DERA: variants seen among roughly 807,000 people sequenced by gnomAD.
The protein encoded by DERA is deoxyribose-phosphate aldolase, also known as 2-deoxy-D-ribose 5-phosphate aldolase.
In DERA, 15 loss-of-function variants were observed where a neutral mutation model predicts 41.1. The observed-to-expected ratio is 0.37, with a 90% CI of 0.24 to 0.56. DERA has a LOEUF of 0.56. DERA is among the 20% of genes least tolerant of loss of function. The pLI, the probability that DERA is intolerant of heterozygous loss-of-function variation, is 0.81. For synonymous variants in DERA, 139 were observed against 137.4 expected (o/e 1.01, Z -0.08); for missense variants, 396 against 403.4 (o/e 0.98, Z 0.16).
In DERA at chr12:15,982,657, G is replaced by C. The variant is rs1393415081; in HGVS notation, c.637+221G>C. Among the ~76,000 whole-genome samples, 1 of 152,066 alleles carries C rather than the reference G, an allele frequency of 6.6e-6. No homozygotes were observed. The highest frequency in any genetic ancestry group is 1.5e-5 in the Non-Finnish European group (1 of 68,030). On this transcript the variant is annotated intron_variant, in intron 6 of 8. Transcript: ENST00000428559. The surrounding 1 kb of genome is among the most constrained non-coding windows in gnomAD (Gnocchi z 4.0). ...TGTGTGTGTGTGGCATTTCATTGCT[G>C]CACTATGCTTATAAGGCAGTAGATG...
chr12:15,991,464 A>T (rs1397321695), intron 6 of DERA, among the ~76,000 whole-genome samples: 1 of 152,068 alleles, frequency 6.6e-6, no homozygotes, highest in African/African-American at 2.4e-5. Context: ...AGTTCTTTTA[A>T]ATTTTTTATT....
intron 1 of DERA, among the ~76,000 whole-genome samples, chr12:15,916,837 C>A (rs1265496643): frequency 6.6e-6 from 1 of 152,122 alleles, no homozygotes; most frequent in African/African-American, 2.4e-5. Context: ...GTCTTGAACT[C>A]CTGGGCTCAA....
chr12:15,964,782 A>G (rs1369411013), intron 5 of DERA, among the ~76,000 whole-genome samples: 1 of 152,220 alleles, frequency 6.6e-6, no homozygotes, highest in Admixed American at 6.5e-5. Context: ...ATATAGAAAT[A>G]TGGTTTATAT....
In DERA at chr12:15,965,541, C is replaced by T. The variant is rs1948616163; in HGVS notation, c.508+2594C>T. Among the ~76,000 whole-genome samples the T allele has an allele frequency of 6.6e-6, 1 of 152,094 alleles. No homozygotes were observed. The highest frequency in any genetic ancestry group is 1.5e-5 in the Non-Finnish European group (1 of 68,026). On this transcript the variant is annotated intron_variant, in intron 5 of 8. Coordinates refer to ENST00000428559, the MANE Select transcript of DERA (RefSeq NM_015954.4). This position sits in a 1 kb window ranked among gnomAD's most constrained non-coding sequence, Gnocchi z 4.1. ...TAAGAGCCCCATTTTTTAAACCTGGCCCTTCAGAGTGGTCTTAACCATTTC... is the reference window on the plus strand; with the variant it reads ...TAAGAGCCCCATTTTTTAAACCTGGTCCTTCAGAGTGGTCTTAACCATTTC...
At position 15,959,760 on chromosome 12, in the gene DERA, A is replaced by T. The variant is rs1169659424; in HGVS notation, c.278-69A>T. ...TTTTTGCCAGTGTTGCGATATAAATAATAATTAAAAGCATGTTGTATGAGT... is the reference window on the plus strand; with the variant it reads ...TTTTTGCCAGTGTTGCGATATAAATTATAATTAAAAGCATGTTGTATGAGT... On this transcript the variant is annotated intron_variant, in intron 3 of 8. Transcript: ENST00000428559. This position sits in a 1 kb window ranked among gnomAD's most constrained non-coding sequence, Gnocchi z 4.5. 2.8e-6 allele frequency: 3 copies of T among 1,071,536 alleles called. No individual in the cohort carries two copies. The South Asian group carries it at 4.8e-5, about 17-fold the overall frequency. The allele number at this position is 1,071,536 out of a possible 1,614,324, so 66.4% of individuals were successfully genotyped here.
At chr12:15,942,737 A>G (rs937590096) in intron 1 of DERA, among the ~76,000 whole-genome samples, 1 of 152,208 alleles carries the variant, frequency 6.6e-6, no homozygotes, top group Admixed American at 6.5e-5. Context: ...TTTTAGAGTG[A>G]AACACTTGGT....
At position 15,957,183 on chromosome 12, in the gene DERA, A is replaced by G. The variant is rs1592018416; in HGVS notation, c.129+150A>G. The G allele has an allele frequency of 1.5e-6, 1 of 661,142 alleles. No homozygotes were observed. Among genetic ancestry groups the G allele is most frequent in the East Asian group, 2.8e-5 (1 of 36,288 alleles). 41.0% of individuals were successfully genotyped at this position (661,142 alleles called of 1,614,324 possible). On this transcript the variant is annotated intron_variant, in intron 2 of 8. Transcript: ENST00000428559. The surrounding 1 kb of genome is among the most constrained non-coding windows in gnomAD (Gnocchi z 4.8). ...TTATTTTAATAATTCATATATGATGATGATGGGTTGGAGAAAGATAACACA... is the reference window on the plus strand; with the variant it reads ...TTATTTTAATAATTCATATATGATGGTGATGGGTTGGAGAAAGATAACACA...
chr12:15,932,780 G>C (rs1233539733), intron 1 of DERA, among the ~76,000 whole-genome samples: 1 of 152,168 alleles, frequency 6.6e-6, no homozygotes, highest in Admixed American at 6.5e-5. Flanking sequence ...ATATTGTACA[G>C]TAGATCTCTT....
chr12:15,941,223 G>A lies in DERA; in HGVS notation c.32-15713G>A, dbSNP rs1417244754. Among the ~76,000 whole-genome samples, 2 of 152,138 alleles carry A rather than the reference G, an allele frequency of 1.3e-5. No individual in the cohort carries two copies. The highest frequency in any genetic ancestry group is 1.3e-4 in the Admixed American group (2 of 15,274). On this transcript the variant is annotated intron_variant, in intron 1 of 8. Coordinates refer to ENST00000428559, the MANE Select transcript of DERA (RefSeq NM_015954.4). The surrounding 1 kb of genome is among the most constrained non-coding windows in gnomAD (Gnocchi z 4.5). ...AGCGGCTCATTGACCTACTGACTGT[G>A]GGTGTTGTGTGTTTGTGTCTCTTGC...
chr12:15,911,584 C>G lies in DERA; in HGVS notation c.31+170C>G, dbSNP rs1948164068. 1.4e-6 allele frequency: 1 copy of G among 735,372 alleles called. No individual in the cohort carries two copies. The highest frequency in any genetic ancestry group is 2.4e-6 in the Non-Finnish European group (1 of 423,036). The allele number at this position is 735,372 out of a possible 1,614,324, so 45.6% of individuals were successfully genotyped here. On this transcript the variant is annotated intron_variant, in intron 1 of 8. Transcript: ENST00000428559. The surrounding 1 kb of genome is among the most constrained non-coding windows in gnomAD (Gnocchi z 4.5). ...CCCTCACCCCAAGTAAAGGCCGAAC[C>G]CGGCACGTTCGCGCCGCTTGTCTTT...
At position 16,020,451 on chromosome 12, in the gene DERA, G is replaced by A. The variant is rs1949011146; in HGVS notation, c.638-12091G>A. On this transcript the variant is annotated intron_variant, in intron 6 of 8. Transcript: ENST00000428559. The surrounding 1 kb of genome is among the most constrained non-coding windows in gnomAD (Gnocchi z 5.5). ...TACAATTTGACATGAGATTTGGGCA[G>A]AGACACAGACCTAAACCATATCACT... 6.6e-6 allele frequency among the ~76,000 whole-genome samples: 1 copy of A among 152,188 alleles called. No individual in the cohort carries two copies. Among genetic ancestry groups the A allele is most frequent in the Non-Finnish European group, 1.5e-5 (1 of 68,040 alleles).
At chr12:15,945,974 A>G (rs992735395) in intron 1 of DERA, among the ~76,000 whole-genome samples, 5 of 152,236 alleles carry the variant, frequency 3.3e-5, no homozygotes, top group African/African-American at 1.2e-4. Flanking sequence ...CCTTTTCTGC[A>G]TCTATTGAGA....
At chr12:15,946,953 A>C (rs1197913001) in intron 1 of DERA, among the ~76,000 whole-genome samples, 6 of 152,208 alleles carry the variant, frequency 3.9e-5, no homozygotes, top group Non-Finnish European at 7.3e-5. Flanking sequence ...TTCAAAGAAC[A>C]TCTTTATTTC....
chr12:15,926,210 C>T (rs539654246), intron 1 of DERA, among the ~76,000 whole-genome samples: 13 of 150,486 alleles, frequency 8.6e-5, no homozygotes, highest in African/African-American at 2.9e-4. Flanking sequence ...TTTTTCTTTT[C>T]AAGATGAAGT....
At position 15,988,987 on chromosome 12, in the gene DERA, C is replaced by G. The variant is rs1435286528; in HGVS notation, c.637+6551C>G. Among the ~76,000 whole-genome samples, 3 of 152,222 alleles carry G rather than the reference C, an allele frequency of 2.0e-5. No individual in the cohort carries two copies. Among genetic ancestry groups the G allele is most frequent in the African/African-American group, 4.8e-5 (2 of 41,468 alleles). On this transcript the variant is annotated intron_variant, in intron 6 of 8. Transcript: ENST00000428559. The surrounding 1 kb of genome is among the most constrained non-coding windows in gnomAD (Gnocchi z 6.0). ...CGGCAGCATCCAGGCTCAGCCACAG[C>G]TTTGCTCCGCAGTGGAGAAGGCTCC...
intron 4 of DERA, among the ~76,000 whole-genome samples, chr12:15,962,555 C>T (rs1245371690): frequency 6.6e-6 from 1 of 152,210 alleles, no homozygotes; most frequent in South Asian, 2.1e-4. Context: ...ATCTCTGCAG[C>T]ATCTTAATTT....
intron 1 of DERA, among the ~76,000 whole-genome samples, chr12:15,920,164 C>G (rs888652601): frequency 6.6e-6 from 1 of 152,162 alleles, no homozygotes; most frequent in African/African-American, 2.4e-5. Context: ...AACATTACCT[C>G]TTATGAATAT....
At position 15,911,534 on chromosome 12, in the gene DERA, G is replaced by A. The variant is rs1948163629; in HGVS notation, c.31+120G>A. 9.6e-7 allele frequency: 1 copy of A among 1,045,102 alleles called. No individual in the cohort carries two copies. The highest frequency in any genetic ancestry group is 1.3e-6 in the Non-Finnish European group (1 of 741,138). The allele number at this position is 1,045,102 out of a possible 1,614,324, so 64.7% of individuals were successfully genotyped here. A position where few individuals can be genotyped will look rare whatever the true frequency, so the allele number is the denominator to read the frequency against. On this transcript the variant is annotated intron_variant, in intron 1 of 8. Coordinates refer to ENST00000428559, the MANE Select transcript of DERA (RefSeq NM_015954.4). This position sits in a 1 kb window ranked among gnomAD's most constrained non-coding sequence, Gnocchi z 4.5. The stretch of plus-strand genomic sequence containing the variant: ...GGGTCCCCGAGGGGTTTTCGCTGGG[G>A]CGGGAAGCAGTGGCGTCTGGTCAGC...
At chr12:16,007,018 G>C (rs1051642715) in intron 6 of DERA, among the ~76,000 whole-genome samples, 3 of 152,134 alleles carry the variant, frequency 2.0e-5, no homozygotes, top group African/African-American at 4.8e-5. Context: ...TCTTAGAACA[G>C]TACCTCGCCG....
Sources: gnomAD v4.1 joint callset for allele counts (sites outside exome capture counted in the v4.1 genomes callset) on GRCh38, gnomAD v4.1.1 for gene constraint, Gnocchi (gnomAD v3.1) non-coding constraint, MANE v1.5 for transcripts, NCBI Gene and HGNC (gene_info 2026-07-23, HGNC 2026-07-21) for gene names.